Variants in STK38 observed in about 807,000 individuals in gnomAD.
The protein encoded by STK38 is serine/threonine kinase 38, also known as serine/threonine-protein kinase 38.
In STK38, 26 loss-of-function variants were observed where a neutral mutation model predicts 59.0. The ratio of observed to expected loss-of-function variants is 0.44; its 90% confidence interval spans 0.32 to 0.61. The LOEUF (loss-of-function observed/expected upper bound fraction) is 0.61. Ranked by LOEUF, STK38 falls within the 20% of genes least tolerant of loss-of-function variation. STK38 has a pLI of 0.04. For synonymous variants in STK38, 175 were observed against 176.6 expected, an observed-to-expected ratio of 0.99 and a Z score of 0.07; for missense variants, 433 against 566.0, an observed-to-expected ratio of 0.76 and a Z score of 2.38.
At chr6:36,518,974 T>C (rs1777320588) in intron 5 of STK38, among the ~76,000 whole-genome samples, 1 of 152,226 alleles carries the variant, frequency 6.6e-6, no homozygotes. Flanking sequence ...GATGCTTGTT[T>C]TATTGACATG....
intron 2 of STK38, among the ~76,000 whole-genome samples, chr6:36,528,384 G>T (rs985881836): frequency 1.3e-5 from 2 of 152,194 alleles, no homozygotes; most frequent in African/African-American, 4.8e-5. Flanking sequence ...GTACAGTAAA[G>T]ATCTGGAACT....
chr6:36,522,874 A>AG (rs1777413336), intron 4 of STK38, among the ~76,000 whole-genome samples: 4 of 147,056 alleles, frequency 2.7e-5, no homozygotes, highest in South Asian at 2.1e-4. Context: ...AAAAAAAAAA[A>AG]AAAAGAAGAA....
chr6:36,517,871 A>C (rs1435324114), intron 5 of STK38, 31 bp from the exon 6 acceptor site: 1 of 1,609,822 alleles, frequency 6.2e-7, no homozygotes, highest in South Asian at 1.1e-5. Flanking sequence ...TTAATGACAA[A>C]GCTTGCTCTG....
At chr6:36,534,249 T>C (rs1346612944) in intron 2 of STK38, among the ~76,000 whole-genome samples, 2 of 151,470 alleles carry the variant, frequency 1.3e-5, no homozygotes, top group Admixed American at 6.6e-5. Context: ...TGAAAAAAAT[T>C]CAACACCCAC....
At chr6:36,529,375 T>G (rs1324770416) in intron 2 of STK38, among the ~76,000 whole-genome samples, 1 of 152,224 alleles carries the variant, frequency 6.6e-6, no homozygotes, top group Admixed American at 6.5e-5. Context: ...CACTATATTA[T>G]TCCACCTATG....
At chr6:36,522,876 A>AAAAAAAAAAAAAAAAAAAAAAAG (rs774099487) in intron 4 of STK38, among the ~76,000 whole-genome samples, 1 of 98,838 alleles carries the variant, frequency 1.0e-5, no homozygotes, top group East Asian at 3.3e-4. Context: ...AAAAAAAAAA[A>AAAAAAAAAAAAAAAAAAAAAAAG]AAGAAGAAGA....
intron 7 of STK38, among the ~76,000 whole-genome samples, chr6:36,508,983 G>A (rs1218244694): frequency 6.6e-6 from 1 of 152,206 alleles, no homozygotes; most frequent in East Asian, 1.9e-4. Flanking sequence ...GAGCCCTAAA[G>A]GGGGTGTCAC....
intron 7 of STK38, among the ~76,000 whole-genome samples, chr6:36,508,859 ATGCAAGCCTGCAGCTGGATGAGATGCAC>A (rs934246134): frequency 6.6e-6 from 1 of 152,230 alleles, no homozygotes. Context: ...TGCTGGCTCC[ATGCAAGCCTGCAGCTGGATGAGATGCAC>A]TGCAAGCGGC....
At chr6:36,540,281 G>A in intron 1 of STK38, 74 bp from the exon 2 acceptor site, 2 of 1,472,192 alleles carry the variant, frequency 1.4e-6, no homozygotes, top group Non-Finnish European at 9.2e-7. Context: ...CTACCCTATT[G>A]GTAGGAATGT....
chr6:36,509,527 C>G (rs545553221), intron 7 of STK38, among the ~76,000 whole-genome samples: 31 of 145,940 alleles, frequency 2.1e-4, no homozygotes, highest in Admixed American at 1.9e-3. Context: ...TGTAAAGAAA[C>G]TGATGTAGAT....
chr6:36,525,712 A>C, intron 2 of STK38, 70 bp from the exon 3 acceptor site: 1 of 1,276,610 alleles, frequency 7.8e-7, no homozygotes, highest in Admixed American at 1.9e-5. Flanking sequence ...TCTGTAACTT[A>C]ATACTGTAGT....
chr6:36,504,898 C>CAAAAAAAATAAAAAAAAAAAAAAA (rs1776923815), intron 9 of STK38, among the ~76,000 whole-genome samples: 1 of 64,072 alleles, frequency 1.6e-5, no homozygotes, highest in Non-Finnish European at 3.0e-5. Flanking sequence ...TCCTGGCCTC[C>CAAAAAAAATAAAAAAAAAAAAAAA]AAAAAAAAAA....
In STK38 at chr6:36,547,320, G is replaced by C. The variant is rs1033152627; in HGVS notation, c.-136C>G. On this transcript the variant is annotated 5_prime_UTR_variant, in exon 1 of 14. Coordinates refer to ENST00000229812, the MANE Select transcript of STK38 (RefSeq NM_007271.4). ...ACGAGCCAAAGACGGGAGGGGACGC[G>C]TGAGGGACTCTGAGACAGGGGGCAA... 6.5e-6 allele frequency: 1 copy of C among 152,722 alleles called. No individual in the cohort carries two copies. Among genetic ancestry groups the C allele is most frequent in the Non-Finnish European group, 1.5e-5 (1 of 68,370 alleles). The allele number at this position is 152,722 out of a possible 1,614,324, so 9.5% of individuals were successfully genotyped here.
In STK38 at chr6:36,515,560, T is replaced by A. The variant is rs911061055; in HGVS notation, c.515-68A>T. The A allele has an allele frequency of 1.0e-4, 154 of 1,507,072 alleles. 3 individuals carry two copies. In the South Asian group the frequency reaches 1.7e-3, roughly 17 times the overall value. 93.4% of individuals were successfully genotyped at this position (1,507,072 alleles called of 1,614,324 possible). On this transcript the variant is annotated intron_variant, in intron 6 of 13. Transcript: ENST00000229812. ...CACACACACACACACACACACAACATACGAGTGAGTACCAATTTTCAGATA... is the reference window on the plus strand; with the variant it reads ...CACACACACACACACACACACAACAAACGAGTGAGTACCAATTTTCAGATA...
intron 2 of STK38, among the ~76,000 whole-genome samples, chr6:36,530,891 T>C (rs182749807): frequency 6.6e-6 from 1 of 152,100 alleles, no homozygotes; most frequent in Non-Finnish European, 1.5e-5. Flanking sequence ...GGTTTCATCA[T>C]GTTGCACAGG....
intron 1 of STK38, among the ~76,000 whole-genome samples, chr6:36,543,143 C>T (rs1466182905): frequency 2.6e-5 from 4 of 151,408 alleles, no homozygotes; most frequent in Non-Finnish European, 5.9e-5. Context: ...CGGCTCACTC[C>T]AAGCTCCGCC....
intron 5 of STK38, among the ~76,000 whole-genome samples, chr6:36,520,991 G>A (rs1319520745): frequency 6.6e-6 from 1 of 151,988 alleles, no homozygotes; most frequent in Non-Finnish European, 1.5e-5. Flanking sequence ...GACATTTGCG[G>A]TCATCACCCA....
At chr6:36,544,788 C>T (rs1187476935) in intron 1 of STK38, among the ~76,000 whole-genome samples, 3 of 152,136 alleles carry the variant, frequency 2.0e-5, no homozygotes, top group African/African-American at 7.2e-5. Flanking sequence ...GGGAGGATTG[C>T]TTGAGCTGGA....
intron 2 of STK38, among the ~76,000 whole-genome samples, chr6:36,534,392 T>G (rs1456777665): frequency 1.3e-5 from 2 of 152,196 alleles, no homozygotes; most frequent in East Asian, 3.8e-4. Flanking sequence ...CTCACACTTG[T>G]AATCCCAAAA....
Sources: allele counts gnomAD v4.1 joint callset (sites outside exome capture counted in the v4.1 genomes callset), GRCh38; gene constraint gnomAD v4.1.1; transcripts MANE v1.5; gene names NCBI Gene and HGNC (gene_info 2026-07-23, HGNC 2026-07-21).